CAPN2: variants seen among roughly 807,000 people sequenced by gnomAD.
CAPN2 encodes the protein calpain 2, also known as calpain-2 catalytic subunit.
A neutral mutation model predicts 102.3 loss-of-function variants in CAPN2; 92 were observed. The observed-to-expected ratio is 0.90, with a 90% CI of 0.76 to 1.07. The LOEUF (loss-of-function observed/expected upper bound fraction) is 1.07, where lower values mean the gene tolerates loss of function less well. Ranked by LOEUF, CAPN2 falls within the 50% of genes least tolerant of loss-of-function variation. The pLI, the probability that CAPN2 is intolerant of heterozygous loss-of-function variation, is 0.00. For missense variants in CAPN2, 800 were observed against 909.4 expected (o/e 0.88, Z 1.55); for synonymous variants, 340 against 355.4 (o/e 0.96, Z 0.49).
chr1:223,751,091 G>A, intron 7 of CAPN2, 116 bp downstream of exon 7: 1 of 954,448 alleles, frequency 1.0e-6, no homozygotes, highest in Non-Finnish European at 1.6e-6. Flanking sequence ...AGCCAGGAGA[G>A]CCCAGGCCAC....
At position 223,770,530 on chromosome 1, in the gene CAPN2, C is replaced by A; in HGVS notation, c.1903+5C>A. 6.3e-7 allele frequency: 1 copy of A among 1,599,186 alleles called. No individual in the cohort carries two copies. The highest frequency in any genetic ancestry group is 8.6e-7 in the Non-Finnish European group (1 of 1,166,718). On this transcript the variant is annotated splice_donor_5th_base_variant and intron_variant, in intron 18 of 20. Transcript: ENST00000295006. The stretch of plus-strand genomic sequence containing the variant: ...GGAAGGCATTAGAAGAAGCAGGTAA[C>A]CCTTTATAACTGCATTTTCGTTCCT...
Position 223,734,521 on chromosome 1 carries a change from G to T in CAPN2, c.308-9579G>T, listed in dbSNP as rs1003075043. On this transcript the variant is annotated intron_variant, in intron 2 of 20. Transcript: ENST00000295006. ...TTGCTTCCAAAGAAGAGTTTCGGAA[G>T]GCTCAAGACGGTGAGACAGACACCT... Among the ~76,000 whole-genome samples the T allele has an allele frequency of 7.9e-5, 12 of 152,096 alleles. 1 individual carries two copies. The highest frequency in any genetic ancestry group is 2.9e-4 in the African/African-American group (12 of 41,414).
At chr1:223,764,556 C>T (rs1489399825) in intron 15 of CAPN2, among the ~76,000 whole-genome samples, 1 of 152,162 alleles carries the variant, frequency 6.6e-6, no homozygotes, top group Non-Finnish European at 1.5e-5. Context: ...CAAATTCAAG[C>T]GATTCTCCTG....
chr1:223,702,563 A>G (rs541566620), intron 1 of CAPN2, among the ~76,000 whole-genome samples: 1 of 152,346 alleles, frequency 6.6e-6, no homozygotes, highest in Non-Finnish European at 1.5e-5. Context: ...GAAAACCGAA[A>G]TTAATATGCT....
Position 223,771,487 on chromosome 1 carries a change from T to C in CAPN2, c.1904-322T>C, listed in dbSNP as rs988727239. 26 of 259,990 alleles carry C rather than the reference T, an allele frequency of 1.0e-4. No individual in the cohort carries two copies. The South Asian group carries it at 1.6e-3, about 16-fold the overall frequency. 16.1% of individuals were successfully genotyped at this position (259,990 alleles called of 1,614,324 possible). A position where few individuals can be genotyped will look rare whatever the true frequency, so the allele number is the denominator to read the frequency against. On this transcript the variant is annotated intron_variant, in intron 18 of 20. Transcript: ENST00000295006. ...AGGAAGAATCTGATCTTCAAGACGA[T>C]TGAGAGCTAAACAAAAAATCAAACA... is the stretch of plus-strand genomic sequence containing the variant.
chr1:223,766,683 G>A (rs959263520), intron 16 of CAPN2, among the ~76,000 whole-genome samples: 3 of 152,230 alleles, frequency 2.0e-5, no homozygotes, highest in African/African-American at 4.8e-5. Flanking sequence ...CCCATGGCGG[G>A]CGGTGGCTCA....
upstream of CAPN2, among the ~76,000 whole-genome samples, chr1:223,711,133 T>C (rs1378992917): frequency 6.6e-6 from 1 of 152,208 alleles, no homozygotes; most frequent in African/African-American, 2.4e-5. Flanking sequence ...CCTCATCTCC[T>C]AGCTGTGACC....
chr1:223,757,064 G>C (rs1170405323), intron 10 of CAPN2, among the ~76,000 whole-genome samples: 3 of 152,162 alleles, frequency 2.0e-5, no homozygotes, highest in Non-Finnish European at 2.9e-5. Context: ...AACAGGGCCC[G>C]CCTGGCCCTC....
upstream of CAPN2, among the ~76,000 whole-genome samples, chr1:223,710,845 TC>T (rs1659711854): frequency 4.9e-5 from 7 of 143,564 alleles, no homozygotes; most frequent in African/African-American, 1.8e-4. Flanking sequence ...CTTTGAGTTG[TC>T]CCGCCTTTCT....
In CAPN2 at chr1:223,774,896, A is replaced by C; in HGVS notation, c.*39A>C. ...CTGCCTGAAGACTTCTCATGATGGA[A>C]AATCAGCCAAGGACTAAGCTTCCAT... On this transcript the variant is annotated 3_prime_UTR_variant, in exon 21 of 21. Transcript: ENST00000295006. 1 of 1,583,554 alleles carries C rather than the reference A, an allele frequency of 6.3e-7. No homozygotes were observed. The highest frequency in any genetic ancestry group is 8.7e-7 in the Non-Finnish European group (1 of 1,153,622).
In CAPN2 at chr1:223,752,921, G is replaced by A. The variant is rs374476504; in HGVS notation, c.1100G>A (p.Arg367Gln). The change falls in exon 9 of 21, where the codon CGG becomes CAG. Residue 367 changes from arginine (R) to glutamine (Q), a missense_variant. Transcript: ENST00000295006. ...KLTKMDGNWR[R>Q]GSTAGGCRNY... Reference sequence around the variant, plus strand: ...ACCAAAATGGATGGGAACTGGAGGCGGGGCTCCACCGCGGGAGGTTGCAGG... The same window carrying A: ...ACCAAAATGGATGGGAACTGGAGGCAGGGCTCCACCGCGGGAGGTTGCAGG... The A allele has an allele frequency of 4.3e-5, 70 of 1,613,970 alleles. 1 individual carries two copies. The Middle Eastern group carries it at 1.2e-3, about 27-fold the overall frequency.
In CAPN2 at chr1:223,726,559, C is replaced by G. The variant is rs1190104492; in HGVS notation, c.307+8728C>G. ...AGAGTGAATGTCAAGCCCCAGCACC[C>G]TCGCCTCCCTCCCATCCTCCCTTTT... On this transcript the variant is annotated intron_variant, in intron 2 of 20. Coordinates refer to ENST00000295006, the MANE Select transcript of CAPN2 (RefSeq NM_001748.5). This position sits in a 1 kb window ranked among gnomAD's most constrained non-coding sequence, Gnocchi z 4.4. Among the ~76,000 whole-genome samples, 1 of 152,152 alleles carries G rather than the reference C, an allele frequency of 6.6e-6. No individual in the cohort carries two copies. The highest frequency in any genetic ancestry group is 2.4e-5 in the African/African-American group (1 of 41,440).
chr1:223,717,919 C>T, intron 2 of CAPN2, 88 bp downstream of exon 2: 4 of 988,616 alleles, frequency 4.0e-6, no homozygotes, highest in Non-Finnish European at 6.4e-6. Context: ...GCTTCTCTCC[C>T]TTCCCAAGCA....
At chr1:223,717,411 T>C (rs1659905997) in intron 1 of CAPN2, among the ~76,000 whole-genome samples, 1 of 152,122 alleles carries the variant, frequency 6.6e-6, no homozygotes, top group South Asian at 2.1e-4. Flanking sequence ...GCTAACCCAG[T>C]GGATAGGGTG....
At chr1:223,746,535 C>T (rs1280548426) in intron 4 of CAPN2, among the ~76,000 whole-genome samples, 7 of 141,284 alleles carry the variant, frequency 5.0e-5, no homozygotes, top group Middle Eastern at 3.5e-3. Context: ...CTGGAGTGAG[C>T]GGCATGATCT....
Position 223,755,458 on chromosome 1 carries a change from C to G in CAPN2, c.1136-22C>G, listed in dbSNP as rs374451441. On this transcript the variant is annotated intron_variant, in intron 9 of 20. Transcript: ENST00000295006. This position sits in a 1 kb window ranked among gnomAD's most constrained non-coding sequence, Gnocchi z 4.1. ...TGCATTCCTGCTCAGGGCTGGGCTC[C>G]TCTGCCCCTTTCTGGCTGCAGACAC... 4.5e-5 allele frequency: 72 copies of G among 1,613,236 alleles called. No homozygotes were observed. The highest frequency in any genetic ancestry group is 5.6e-5 in the Non-Finnish European group (66 of 1,179,744).
chr1:223,761,484 T>C, intron 12 of CAPN2, 97 bp from the exon 13 acceptor site: 4 of 563,156 alleles, frequency 7.1e-6, no homozygotes, highest in East Asian at 5.1e-5. Context: ...ACCTACCCCC[T>C]GCTGGATTTA....
In CAPN2 at chr1:223,726,818, T is replaced by A. The variant is rs1571788087; in HGVS notation, c.307+8987T>A. 2.0e-5 allele frequency among the ~76,000 whole-genome samples: 3 copies of A among 152,278 alleles called. No homozygotes were observed. On this transcript the variant is annotated intron_variant, in intron 2 of 20. Coordinates refer to ENST00000295006, the MANE Select transcript of CAPN2 (RefSeq NM_001748.5). This position sits in a 1 kb window ranked among gnomAD's most constrained non-coding sequence, Gnocchi z 4.4. ...TTGTACATGCATGGGGAATTCCACT[T>A]TGGGGGTATCCTTTTCTGGGCTGCT...
rs1660839174 is a variant in CAPN2, at chr1:223,749,750, C to G, written c.813+628C>G. On this transcript the variant is annotated intron_variant, in intron 6 of 20. Coordinates refer to ENST00000295006, the MANE Select transcript of CAPN2 (RefSeq NM_001748.5). ...AATATTATGGGCTGACATGGTGGCT[C>G]ACACCTGAAATCCCAACACTTTGGG... Among the ~76,000 whole-genome samples the G allele has an allele frequency of 1.3e-5, 2 of 152,162 alleles. 1 individual carries two copies. The highest frequency in any genetic ancestry group is 4.1e-4 in the South Asian group (2 of 4,826).
Sources: allele counts gnomAD v4.1 joint callset (sites outside exome capture counted in the v4.1 genomes callset), GRCh38; gene constraint gnomAD v4.1.1; non-coding constraint Gnocchi (gnomAD v3.1); transcripts MANE v1.5; gene names NCBI Gene and HGNC (gene_info 2026-07-23, HGNC 2026-07-21).